PCDHGB4: variants seen among roughly 807,000 people sequenced by gnomAD.
The protein encoded by PCDHGB4 is protocadherin gamma subfamily B, 4.
PCDHGB4 carries 38 observed loss-of-function variants against 60.5 expected under a neutral mutation model. That is an observed-to-expected ratio of 0.63 (90% CI 0.48 to 0.82). The LOEUF is 0.82. PCDHGB4 is among the 40% of genes least tolerant of loss of function. PCDHGB4 has a pLI of 0.00. For missense variants in PCDHGB4, 1,109 were observed against 1,209.6 expected (o/e 0.92, Z 1.23); for synonymous variants, 456 against 509.7 (o/e 0.89, Z 1.42).
rs767577725 is a variant in PCDHGB4, at chr5:141,485,642, G to C, written c.2398-9165G>C. On this transcript the variant is annotated intron_variant, in intron 1 of 3. Transcript: ENST00000519479. This position sits in a 1 kb window ranked among gnomAD's most constrained non-coding sequence, Gnocchi z 5.7. ...AGGACAGCGTTTCCCGTTGGAAAAGGCTCAGGATGCAGATGTGGGGAGCAA... is the reference window on the plus strand; with the variant it reads ...AGGACAGCGTTTCCCGTTGGAAAAGCCTCAGGATGCAGATGTGGGGAGCAA... 2 of 1,612,044 alleles carry C rather than the reference G, an allele frequency of 1.2e-6. No individual in the cohort carries two copies. The highest frequency in any genetic ancestry group is 8.5e-7 in the Non-Finnish European group (1 of 1,178,592).
intron 1 of PCDHGB4, among the ~76,000 whole-genome samples, chr5:141,433,995 CT>C (rs2097669147): frequency 2.6e-5 from 4 of 152,028 alleles, no homozygotes; most frequent in Admixed American, 2.0e-4. Flanking sequence ...GTTTTATATT[CT>C]CTATATATGT....
chr5:141,389,509 C>T lies in PCDHGB4; in HGVS notation c.1625C>T (p.Ala542Val). Residue 542 changes from alanine to valine, a missense_variant, in exon 1 of 4, where the codon GCG (alanine) becomes GTG (valine). Coordinates refer to ENST00000519479, the MANE Select transcript of PCDHGB4 (RefSeq NM_003736.4). ...GACCAGGGCTCGCCAGCGCTCAGCG[C>T]GAACGTGAGCCTGCGCGTGTTAGTG... ...ARDQGSPALS[A>V]NVSLRVLVDD... 1 of 1,613,118 alleles carries T rather than the reference C, an allele frequency of 6.2e-7. No homozygotes were observed. The highest frequency in any genetic ancestry group is 8.5e-7 in the Non-Finnish European group (1 of 1,179,744).
At chr5:141,450,727 T>G (rs1592137328) in intron 1 of PCDHGB4, among the ~76,000 whole-genome samples, 1 of 152,080 alleles carries the variant, frequency 6.6e-6, no homozygotes, top group Non-Finnish European at 1.5e-5. Flanking sequence ...CCTCAGGTGA[T>G]CCGCCCGCCT....
At chr5:141,475,866 C>T in intron 1 of PCDHGB4, 1 of 504,862 alleles carries the variant, frequency 2.0e-6, no homozygotes, top group South Asian at 2.9e-5. Context: ...GCTCATTCTT[C>T]GTGCAGTTAT....
intron 1 of PCDHGB4, among the ~76,000 whole-genome samples, chr5:141,407,131 T>C (rs1164616354): frequency 6.6e-6 from 1 of 152,226 alleles, no homozygotes; most frequent in African/African-American, 2.4e-5. Context: ...TGCTTTATTT[T>C]TAAGAAAAAA....
rs1356739313 is a variant in PCDHGB4, at chr5:141,490,444, A to T, written c.2398-4363A>T. The T allele has an allele frequency of 6.2e-7, 1 of 1,614,194 alleles. No individual in the cohort carries two copies. Among genetic ancestry groups the T allele is most frequent in the Non-Finnish European group, 8.5e-7 (1 of 1,180,034 alleles). On this transcript the variant is annotated intron_variant, in intron 1 of 3. Transcript: ENST00000519479. The surrounding 1 kb of genome is among the most constrained non-coding windows in gnomAD (Gnocchi z 5.4). ...GCCATTTCAGATTAAGCCTTCTGAG[A>T]ACCACTACTCGCTGCTAACCAGCCA...
intron 1 of PCDHGB4, chr5:141,415,469 C>T (rs1247738517): frequency 1.9e-6 from 3 of 1,614,208 alleles, no homozygotes; most frequent in South Asian, 2.2e-5. Flanking sequence ...TCTCTCACCG[C>T]GGACTCGCGA....
At chr5:141,488,062 T>C (rs1488970442) in intron 1 of PCDHGB4, among the ~76,000 whole-genome samples, 1 of 152,152 alleles carries the variant, frequency 6.6e-6, no homozygotes, top group Non-Finnish European at 1.5e-5. Flanking sequence ...AAATAAAATC[T>C]TTGTCTCCCA....
In PCDHGB4 at chr5:141,400,400, C is replaced by T. The variant is rs375490385; in HGVS notation, c.2397+10119C>T. On this transcript the variant is annotated intron_variant, in intron 1 of 3. Coordinates refer to ENST00000519479, the MANE Select transcript of PCDHGB4 (RefSeq NM_003736.4). ...CTATGTGTTGCACATACAGGAAAGA[C>T]GGAGTTTAATTTCCTAAAATGTAGT... 65 of 1,614,000 alleles carry T rather than the reference C, an allele frequency of 4.0e-5. No individual in the cohort carries two copies. Among genetic ancestry groups the T allele is most frequent in the South Asian group, 3.8e-4 (35 of 91,078 alleles).
At chr5:141,470,795 C>T (rs947636574) in intron 1 of PCDHGB4, among the ~76,000 whole-genome samples, 2 of 152,182 alleles carry the variant, frequency 1.3e-5, no homozygotes, top group Non-Finnish European at 2.9e-5. Context: ...TCAAGCAATC[C>T]TCCCACTTCA....
intron 1 of PCDHGB4, chr5:141,422,399 T>A: frequency 1.3e-6 from 2 of 1,598,374 alleles, no homozygotes; most frequent in Non-Finnish European, 1.7e-6. Context: ...CCTAACCACC[T>A]GCCTTTTAAA....
chr5:141,430,622 A>T, intron 1 of PCDHGB4: 1 of 752,270 alleles, frequency 1.3e-6, no homozygotes, highest in Admixed American at 2.9e-5. Context: ...GATAGCTAGG[A>T]ATGAACCATC....
intron 1 of PCDHGB4, chr5:141,399,237 AGATTCTG>A: frequency 6.2e-7 from 1 of 1,614,002 alleles, no homozygotes; most frequent in South Asian, 1.1e-5. Context: ...TACATGACCA[AGATTCTG>A]GGGAAAATGG....
chr5:141,414,351 G>A (rs771256149), intron 1 of PCDHGB4: 16 of 1,613,676 alleles, frequency 9.9e-6, no homozygotes, highest in South Asian at 6.6e-5. Flanking sequence ...CCATTTTGGC[G>A]TATCTACCAT....
rs2099610288 is a variant in PCDHGB4, at chr5:141,485,252, G to A, written c.2398-9555G>A. ...GTTCCTCTTTTACCACCTGGGTTAC[G>A]TTTGTGGGCAGATCCGCTACCCGGT... On this transcript the variant is annotated intron_variant, in intron 1 of 3. Coordinates refer to ENST00000519479, the MANE Select transcript of PCDHGB4 (RefSeq NM_003736.4). This position sits in a 1 kb window ranked among gnomAD's most constrained non-coding sequence, Gnocchi z 5.7. 6.2e-7 allele frequency: 1 copy of A among 1,614,042 alleles called. No individual in the cohort carries two copies. The highest frequency in any genetic ancestry group is 1.7e-5 in the Admixed American group (1 of 60,008).
intron 1 of PCDHGB4, among the ~76,000 whole-genome samples, chr5:141,481,692 G>A (rs1231630072): frequency 3.3e-5 from 5 of 152,020 alleles, no homozygotes; most frequent in East Asian, 1.9e-4. Context: ...GGTGGCTCAC[G>A]CCTGTAATCC....
intron 1 of PCDHGB4, chr5:141,416,520 G>A (rs1209482346): frequency 6.6e-6 from 1 of 152,136 alleles, no homozygotes; most frequent in African/African-American, 2.4e-5. Context: ...TATTTCAGTG[G>A]CTCTTTAATG....
At chr5:141,421,261 C>T (rs753531462) in intron 1 of PCDHGB4, 24 of 1,609,076 alleles carry the variant, frequency 1.5e-5, no homozygotes, top group Non-Finnish European at 2.0e-5. Context: ...GGACCGCAGT[C>T]GGCTGCTGCT....
At chr5:141,479,241 G>A (rs2099490987) in intron 1 of PCDHGB4, 1 of 152,174 alleles carries the variant, frequency 6.6e-6, no homozygotes, top group Non-Finnish European at 1.5e-5. Context: ...CAAACCCAAA[G>A]ATAACCATTT....
Sources: gnomAD v4.1 joint callset for allele counts (sites outside exome capture counted in the v4.1 genomes callset) on GRCh38, gnomAD v4.1.1 for gene constraint, Gnocchi (gnomAD v3.1) non-coding constraint, MANE v1.5 for transcripts, NCBI Gene and HGNC (gene_info 2026-07-23, HGNC 2026-07-21) for gene names.